The following ADAMTSL1 variants were observed in gnomAD, a reference collection of about 807,000 sequenced individuals.
The protein encoded by ADAMTSL1 is ADAMTS-like protein 1.
A neutral mutation model predicts 201.8 loss-of-function variants in ADAMTSL1; 126 were observed. The observed-to-expected ratio is 0.62, with a 90% CI of 0.54 to 0.72. The LOEUF is 0.72. ADAMTSL1 is among the 30% of genes least tolerant of loss of function. ADAMTSL1 has a pLI of 0.00. For synonymous variants in ADAMTSL1, 1,121 were observed against 903.4 expected (o/e 1.24, Z -4.32); for missense variants, 2,679 against 2,277.8 (o/e 1.18, Z -3.59).
At chr9:18,063,934 G>A (rs528758501) in intron 1 of ADAMTSL1, among the ~76,000 whole-genome samples, 292 of 152,096 alleles carry the variant, frequency 1.9e-3, no homozygotes, top group Non-Finnish European at 2.7e-3. Context: ...TTTCCGTGCC[G>A]GTTTAGAATC....
chr9:18,757,481 G>T (rs927700418), intron 16 of ADAMTSL1, among the ~76,000 whole-genome samples: 2 of 152,050 alleles, frequency 1.3e-5, no homozygotes, highest in Non-Finnish European at 2.9e-5. Context: ...ATTTTTCTCA[G>T]TGACTCTAAA....
chr9:18,186,832 A>AAC (rs35993162), intron 2 of ADAMTSL1, among the ~76,000 whole-genome samples: 3,357 of 149,608 alleles, frequency 0.022, 71 homozygotes, highest in African/African-American at 0.06. Context: ...ATCACTGTAC[A>AAC]ACACACACAC....
At chr9:18,470,700 C>G (rs550136645), upstream of ADAMTSL1, among the ~76,000 whole-genome samples, 1 of 152,022 alleles carries the variant, frequency 6.6e-6, no homozygotes, top group Non-Finnish European at 1.5e-5. Context: ...AGAGAAATAC[C>G]GAAAGTTTAG....
chr9:18,015,215 G>C (rs772087400), intron 1 of ADAMTSL1, among the ~76,000 whole-genome samples: 4 of 152,004 alleles, frequency 2.6e-5, no homozygotes, highest in Non-Finnish European at 5.9e-5. Context: ...GTGTGTCTAG[G>C]CTCATGCTTG....
intron 3 of ADAMTSL1, among the ~76,000 whole-genome samples, chr9:18,551,523 G>C (rs527803573): frequency 6.7e-6 from 1 of 149,350 alleles, no homozygotes; most frequent in East Asian, 2.0e-4. Context: ...TTTCTTTGGG[G>C]GAAGATTTTT....
chr9:18,015,266 G>C (rs1228024109), intron 1 of ADAMTSL1, among the ~76,000 whole-genome samples: 1 of 152,030 alleles, frequency 6.6e-6, no homozygotes, highest in Non-Finnish European at 1.5e-5. Context: ...TCTCTGCTGG[G>C]AGGGATCTAA....
intron 3 of ADAMTSL1, among the ~76,000 whole-genome samples, chr9:18,567,551 A>T (rs1821999410): frequency 6.6e-6 from 1 of 152,184 alleles, no homozygotes; most frequent in Admixed American, 6.6e-5. Flanking sequence ...TGGGGATAGC[A>T]GGAGGATCAG....
chr9:18,365,882 A>T (rs1270367613), intron 2 of ADAMTSL1, among the ~76,000 whole-genome samples: 1 of 152,130 alleles, frequency 6.6e-6, no homozygotes, highest in Non-Finnish European at 1.5e-5. Flanking sequence ...CAGGAGTGTG[A>T]ACCCTATTGT....
chr9:18,855,313 C>A (rs373201881), intron 23 of ADAMTSL1, among the ~76,000 whole-genome samples: 3 of 152,264 alleles, frequency 2.0e-5, no homozygotes, highest in African/African-American at 7.2e-5. Flanking sequence ...CTGGGAGAAA[C>A]ATTTTGCCAG....
chr9:18,538,002 A>G (rs186858694), intron 3 of ADAMTSL1, among the ~76,000 whole-genome samples: 1,815 of 151,602 alleles, frequency 0.012, 42 homozygotes, highest in South Asian at 0.06. Flanking sequence ...GAAGAAGAAG[A>G]AGGAGGAGGA....
chr9:18,736,733 TA>T (rs1818519057), intron 15 of ADAMTSL1, among the ~76,000 whole-genome samples: 2 of 152,210 alleles, frequency 1.3e-5, no homozygotes, highest in African/African-American at 4.8e-5. Context: ...TATACAAAAA[TA>T]ATGTTGAAGT....
Position 18,908,423 on chromosome 9 carries a change from C to T in ADAMTSL1, c.5183-19C>T. The T allele has an allele frequency of 6.5e-7, 1 of 1,546,082 alleles. No individual in the cohort carries two copies. Among genetic ancestry groups the T allele is most frequent in the Non-Finnish European group, 8.8e-7 (1 of 1,141,588 alleles). ...ATCTCTTTTCTGTCTCCTCTCCCGA[C>T]CCCGTCCTCCTTTCCCAGTGGAGTG... On this transcript the variant is annotated intron_variant, in intron 28 of 28. Coordinates refer to ENST00000380548, the MANE Select transcript of ADAMTSL1 (RefSeq NM_001040272.6).
chr9:18,701,692 C>T (rs1431135142), intron 13 of ADAMTSL1, among the ~76,000 whole-genome samples: 1 of 152,084 alleles, frequency 6.6e-6, no homozygotes, highest in Non-Finnish European at 1.5e-5. Context: ...AAACCTATAC[C>T]TAAATTGAGT....
At chr9:18,334,867 G>A (rs1182317935) in intron 2 of ADAMTSL1, among the ~76,000 whole-genome samples, 3 of 152,080 alleles carry the variant, frequency 2.0e-5, no homozygotes, top group Admixed American at 1.3e-4. Flanking sequence ...CCAAGTCAGG[G>A]GCTAAAAATA....
intron 23 of ADAMTSL1, among the ~76,000 whole-genome samples, chr9:18,858,467 G>T (rs770022773): frequency 6.6e-6 from 1 of 152,164 alleles, no homozygotes; most frequent in Non-Finnish European, 1.5e-5. Flanking sequence ...GTCTTCTTTA[G>T]CCTTGCCTAA....
intron 14 of ADAMTSL1, among the ~76,000 whole-genome samples, chr9:18,710,285 G>C (rs1317646152): frequency 6.6e-6 from 1 of 152,160 alleles, no homozygotes; most frequent in Non-Finnish European, 1.5e-5. Context: ...AATGTATTGA[G>C]TGTTGACCAC....
intron 2 of ADAMTSL1, among the ~76,000 whole-genome samples, chr9:18,368,252 C>G (rs748300747): frequency 6.6e-6 from 1 of 151,986 alleles, no homozygotes; most frequent in Non-Finnish European, 1.5e-5. Flanking sequence ...TGCTTTCTGG[C>G]CTCATCAATA....
At chr9:18,562,640 T>A (rs1012017752) in intron 3 of ADAMTSL1, among the ~76,000 whole-genome samples, 3 of 152,232 alleles carry the variant, frequency 2.0e-5, no homozygotes, top group Non-Finnish European at 2.9e-5. Context: ...TCCCTGTCAC[T>A]TTCAGGTACA....
Position 18,377,293 on chromosome 9 carries a change from G to T in ADAMTSL1, c.208-127536G>T, listed in dbSNP as rs376561651. Among the ~76,000 whole-genome samples, 5 of 152,282 alleles carry T rather than the reference G, an allele frequency of 3.3e-5. No individual in the cohort carries two copies. In the South Asian group the frequency reaches 1.0e-3, roughly 32 times the overall value. On this transcript the variant is annotated intron_variant, in intron 2 of 29. Transcript: ENST00000680146. ...TGCTTAAGTTTGTTATGAGAACTGCGTAAGTGCATAGAATAGTGTCTGGCT... is the reference window on the plus strand; with the variant it reads ...TGCTTAAGTTTGTTATGAGAACTGCTTAAGTGCATAGAATAGTGTCTGGCT...
Sources: gnomAD v4.1 joint callset for allele counts (sites outside exome capture counted in the v4.1 genomes callset) on GRCh38, gnomAD v4.1.1 for gene constraint, MANE v1.5 for transcripts, NCBI Gene and HGNC (gene_info 2026-07-23, HGNC 2026-07-21) for gene names.